Variants in UBXN8 observed in about 807,000 individuals in gnomAD.
UBXN8 encodes the protein UBX domain protein 8.
UBXN8 carries 27 observed loss-of-function variants against 32.1 expected under a neutral mutation model. The observed-to-expected ratio is 0.84, with a 90% CI of 0.62 to 1.16. The LOEUF is 1.16. UBXN8 is among the 50% of genes most tolerant of loss of function. The pLI is 0.00. For missense variants in UBXN8, 306 were observed against 311.4 expected, an observed-to-expected ratio of 0.98 and a Z score of 0.13; for synonymous variants, 109 against 111.8, an observed-to-expected ratio of 0.98 and a Z score of 0.16.
intron 6 of UBXN8, among the ~76,000 whole-genome samples, chr8:30,761,346 G>A (rs1396311224): frequency 6.6e-6 from 1 of 152,014 alleles, no homozygotes; most frequent in Non-Finnish European, 1.5e-5. Flanking sequence ...CTGAGTTCAA[G>A]TGATTCTCCT....
chr8:30,730,569 GA>G (rs749657534), upstream of UBXN8, among the ~76,000 whole-genome samples: 1 of 152,104 alleles, frequency 6.6e-6, no homozygotes, highest in Non-Finnish European at 1.5e-5. Context: ...CCCCCAGTGG[GA>G]CCCAAATGAA....
intron 5 of UBXN8, among the ~76,000 whole-genome samples, chr8:30,759,972 TA>T (rs1172314237): frequency 4.1e-5 from 3 of 72,454 alleles, no homozygotes; most frequent in African/African-American, 2.7e-4. Flanking sequence ...AATAAATAAA[TA>T]AAATAAAATA....
intron 1 of UBXN8, among the ~76,000 whole-genome samples, chr8:30,750,237 C>T (rs1043305772): frequency 2.6e-5 from 4 of 151,872 alleles, no homozygotes; most frequent in Admixed American, 1.3e-4. Flanking sequence ...CTTGGGAGGC[C>T]GAGGCGAGCA....
upstream of UBXN8, among the ~76,000 whole-genome samples, chr8:30,742,662 A>G (rs538327276): frequency 2.1e-4 from 32 of 152,120 alleles, no homozygotes; most frequent in South Asian, 6.2e-3. Context: ...AACTGCAGCA[A>G]TAATCACTGG....
At chr8:30,755,020 A>G (rs2128754912) in intron 4 of UBXN8, among the ~76,000 whole-genome samples, 1 of 150,996 alleles carries the variant, frequency 6.6e-6, no homozygotes, top group East Asian at 1.9e-4. Context: ...CAGTGGCACA[A>G]TCTCGGCTCA....
Position 30,756,901 on chromosome 8 carries a change from TG to T in UBXN8, c.528+15del. On this transcript the variant is annotated intron_variant, in intron 5 of 7. Transcript: ENST00000265616. The stretch of plus-strand genomic sequence containing the variant: ...ACATGCAAGGAGGTAAAGTACTTCA[TG>T]CCTCTCATTGAATTGTGTCTGTGTG... 6.2e-7 allele frequency: 1 copy of T among 1,613,682 alleles called. No homozygotes were observed.
chr8:30,742,555 G>A (rs1805233917), upstream of UBXN8, among the ~76,000 whole-genome samples: 1 of 151,988 alleles, frequency 6.6e-6, no homozygotes, highest in Non-Finnish European at 1.5e-5. Context: ...TTGCCCAGAG[G>A]GGTCTCGAAC....
chr8:30,736,219 C>G (rs1406377202), intron 1 of UBXN8, among the ~76,000 whole-genome samples: 4 of 152,132 alleles, frequency 2.6e-5, no homozygotes, highest in Non-Finnish European at 5.9e-5. Flanking sequence ...GCAAGTTATA[C>G]AGTAAAGGGA....
At chr8:30,732,351 C>T, upstream of UBXN8, 1 of 398,228 alleles carries the variant, frequency 2.5e-6, no homozygotes, top group Non-Finnish European at 4.4e-6. Flanking sequence ...AGAAAAAAAG[C>T]TCAGATCTGC....
intron 5 of UBXN8, among the ~76,000 whole-genome samples, chr8:30,759,777 A>T (rs1194797220): frequency 6.6e-6 from 1 of 150,748 alleles, no homozygotes; most frequent in Non-Finnish European, 1.5e-5. Context: ...TAACACGGGG[A>T]AACCCTATCT....
chr8:30,740,500 C>A, upstream of UBXN8, among the ~76,000 whole-genome samples: 1 of 20,808 alleles, frequency 4.8e-5, no homozygotes, highest in Non-Finnish European at 1.1e-4. Flanking sequence ...ACCAGGTGTT[C>A]AAGATCAGCC....
intron 1 of UBXN8, among the ~76,000 whole-genome samples, chr8:30,736,337 C>G (rs1437550353): frequency 6.6e-6 from 1 of 152,192 alleles, no homozygotes; most frequent in East Asian, 1.9e-4. Context: ...GGATCTCTTT[C>G]ACGCTTTTGA....
intron 3 of UBXN8, among the ~76,000 whole-genome samples, chr8:30,753,706 C>T (rs1805573460): frequency 6.6e-6 from 1 of 151,694 alleles, no homozygotes; most frequent in Admixed American, 6.6e-5. Flanking sequence ...AACCACCAAT[C>T]TGCTTTCTGT....
intron 7 of UBXN8, 120 bp downstream of exon 7, chr8:30,763,467 A>T: frequency 1.0e-6 from 1 of 966,918 alleles, no homozygotes; most frequent in South Asian, 1.5e-5. Context: ...AGGTATGGAT[A>T]AAGGACATTT....
At chr8:30,742,800 G>A (rs1414573363), upstream of UBXN8, among the ~76,000 whole-genome samples, 1 of 152,122 alleles carries the variant, frequency 6.6e-6, no homozygotes, top group Non-Finnish European at 1.5e-5. Context: ...CAAGCCTTCT[G>A]GGTATGGTTC....
At position 30,765,234 on chromosome 8, in the gene UBXN8, T is replaced by A. The variant is rs148491838; in HGVS notation, c.646-993T>A. Among the ~76,000 whole-genome samples the A allele has an allele frequency of 9.9e-5, 15 of 152,216 alleles. No homozygotes were observed. The East Asian group carries it at 1.8e-3, about 18-fold the overall frequency. On this transcript the variant is annotated intron_variant, in intron 7 of 7. Transcript: ENST00000265616. ...GGCCATCATAACTTGTTAATGTGAATGTAAATAAGATCAGTGTTCCTGACA... is the reference window on the plus strand; with the variant it reads ...GGCCATCATAACTTGTTAATGTGAAAGTAAATAAGATCAGTGTTCCTGACA...
At chr8:30,735,436 A>G (rs1805050157) in intron 1 of UBXN8, among the ~76,000 whole-genome samples, 2 of 152,194 alleles carry the variant, frequency 1.3e-5, no homozygotes, top group African/African-American at 4.8e-5. Flanking sequence ...GTGTACCTGT[A>G]GTCCCACCCA....
chr8:30,734,359 T>G (rs899064449), intron 1 of UBXN8: 1 of 152,192 alleles, frequency 6.6e-6, no homozygotes, highest in African/African-American at 2.4e-5. Context: ...AGCTCACACT[T>G]GTAATCCCAG....
At chr8:30,756,977 G>C in intron 5 of UBXN8, 90 bp downstream of exon 5, 1 of 1,529,676 alleles carries the variant, frequency 6.5e-7, no homozygotes, top group Non-Finnish European at 8.8e-7. Context: ...GTGAAGATCA[G>C]GACTGGCCTT....
Sources: allele counts gnomAD v4.1 joint callset (sites outside exome capture counted in the v4.1 genomes callset), GRCh38; gene constraint gnomAD v4.1.1; transcripts MANE v1.5; gene names NCBI Gene and HGNC (gene_info 2026-07-23, HGNC 2026-07-21).